Variants in PCDHGA8 observed in about 807,000 individuals in gnomAD.
PCDHGA8 encodes protocadherin gamma subfamily A, 8.
Under a neutral mutation model 59.2 loss-of-function variants are expected in PCDHGA8, and 45 were observed. That is an observed-to-expected ratio of 0.76 (90% CI 0.60 to 0.98). The LOEUF (loss-of-function observed/expected upper bound fraction) is 0.98, where lower values mean the gene tolerates loss of function less well. PCDHGA8 is among the 50% of genes least tolerant of loss of function. The probability of loss-of-function intolerance (pLI) is 0.00; values close to 1 mark genes in which losing one functional copy is unlikely to be tolerated. For synonymous variants in PCDHGA8, 531 were observed against 519.0 expected (o/e 1.02, Z -0.32); for missense variants, 1,257 against 1,196.2 (o/e 1.05, Z -0.75).
chr5:141,465,995 A>C lies in PCDHGA8; in HGVS notation c.2425-28812A>C, dbSNP rs551920109. On this transcript the variant is annotated intron_variant, in intron 1 of 3. Coordinates refer to ENST00000398604, the MANE Select transcript of PCDHGA8 (RefSeq NM_032088.2). ...AAATTAGCCGGGCATGGTGGCAGGC[A>C]CCTGTAGTCCCAGCTACTCGGGAGG... Among the ~76,000 whole-genome samples the C allele has an allele frequency of 1.3e-4, 20 of 151,982 alleles. No homozygotes were observed. In the South Asian group the frequency reaches 4.2e-3, roughly 32 times the overall value.
intron 1 of PCDHGA8, chr5:141,408,935 G>C (rs773802276): frequency 6.2e-7 from 1 of 1,613,472 alleles, no homozygotes; most frequent in Non-Finnish European, 8.5e-7. Context: ...TTTCAGCAGA[G>C]ACGAATATAG....
At position 141,432,325 on chromosome 5, in the gene PCDHGA8, C is replaced by T. The variant is rs752180978; in HGVS notation, c.2424+37088C>T. ...TGTATGCGCTGAGCTCCTTCGACTACGAGCAGTTCCGAGACTTGCAAGTGA... is the reference window on the plus strand; with the variant it reads ...TGTATGCGCTGAGCTCCTTCGACTATGAGCAGTTCCGAGACTTGCAAGTGA... On this transcript the variant is annotated intron_variant, in intron 1 of 3. Coordinates refer to ENST00000398604, the MANE Select transcript of PCDHGA8 (RefSeq NM_032088.2). The surrounding 1 kb of genome is among the most constrained non-coding windows in gnomAD (Gnocchi z 6.0). 68 of 1,614,142 alleles carry T rather than the reference C, an allele frequency of 4.2e-5. No individual in the cohort carries two copies. Among genetic ancestry groups the T allele is most frequent in the Non-Finnish European group, 5.2e-5 (61 of 1,180,050 alleles).
At position 141,491,660 on chromosome 5, in the gene PCDHGA8, C is replaced by A; in HGVS notation, c.2425-3147C>A. ...ACAGCTCTGGCGCTGGAGCCTGACGCCATCCGGTCCCGCTCTAATACGCTG... is the reference window on the plus strand; with the variant it reads ...ACAGCTCTGGCGCTGGAGCCTGACGACATCCGGTCCCGCTCTAATACGCTG... On this transcript the variant is annotated intron_variant, in intron 1 of 3. Transcript: ENST00000398604. The surrounding 1 kb of genome is among the most constrained non-coding windows in gnomAD (Gnocchi z 6.9). The A allele has an allele frequency of 6.2e-7, 1 of 1,613,810 alleles. No individual in the cohort carries two copies. The highest frequency in any genetic ancestry group is 8.5e-7 in the Non-Finnish European group (1 of 1,180,008).
At position 141,394,947 on chromosome 5, in the gene PCDHGA8, C is replaced by T. The variant is rs536743847; in HGVS notation, c.2134C>T (p.Leu712=). The T allele has an allele frequency of 1.7e-5, 27 of 1,613,892 alleles. No homozygotes were observed. In the African/African-American group the frequency reaches 2.8e-4, roughly 17 times the overall value. Reference sequence around the variant, plus strand: ...CTTCCTCGCCTTTGTCGCTGTGCTTCTGGGGCTCAGGCTGAGGCGCTGGCA... The same window carrying T: ...CTTCCTCGCCTTTGTCGCTGTGCTTTTGGGGCTCAGGCTGAGGCGCTGGCA... ...CVFLAFVAVL[L]GLRLRRWHKS... Residue 712 remains leucine, a synonymous_variant, in exon 1 of 4, where the codon CTG becomes TTG. Coordinates refer to ENST00000398604, the MANE Select transcript of PCDHGA8 (RefSeq NM_032088.2).
chr5:141,462,078 C>T (rs2154567608), intron 1 of PCDHGA8, among the ~76,000 whole-genome samples: 1 of 152,304 alleles, frequency 6.6e-6, no homozygotes, highest in East Asian at 1.9e-4. Flanking sequence ...CCGCCTTGGC[C>T]TCCCAAAATG....
At chr5:141,484,889 TC>T (rs1312115219) in intron 1 of PCDHGA8, 2 of 362,958 alleles carry the variant, frequency 5.5e-6, no homozygotes, top group Admixed American at 8.9e-5. Flanking sequence ...GTGGGCTTTT[TC>T]CCCTCCAATG....
chr5:141,487,920 C>G lies in PCDHGA8; in HGVS notation c.2425-6887C>G, dbSNP rs561819225. On this transcript the variant is annotated intron_variant, in intron 1 of 3. Coordinates refer to ENST00000398604, the MANE Select transcript of PCDHGA8 (RefSeq NM_032088.2). This position sits in a 1 kb window ranked among gnomAD's most constrained non-coding sequence, Gnocchi z 5.0. ...TGGAATGTGGGAGCACAGGAGGCTA[C>G]AGTGCACAGGGTACAGTGCACCAGG... The G allele has an allele frequency of 4.7e-6, 3 of 644,662 alleles. No individual in the cohort carries two copies. The Admixed American group carries it at 8.5e-5, about 18-fold the overall frequency. 39.9% of individuals were successfully genotyped at this position (644,662 alleles called of 1,614,324 possible).
chr5:141,485,601 G>T lies in PCDHGA8; in HGVS notation c.2425-9206G>T, dbSNP rs762783104. On this transcript the variant is annotated intron_variant, in intron 1 of 3. Transcript: ENST00000398604. The surrounding 1 kb of genome is among the most constrained non-coding windows in gnomAD (Gnocchi z 5.7). ...CGGCAGCAGCTGGACTTGGAAATTG[G>T]GGAGGCAGCTCCTCCAGGACAGCGT... The T allele has an allele frequency of 3.1e-6, 5 of 1,612,290 alleles. No individual in the cohort carries two copies. Among genetic ancestry groups the T allele is most frequent in the Non-Finnish European group, 4.2e-6 (5 of 1,178,722 alleles).
Position 141,394,455 on chromosome 5 carries a change from C to T in PCDHGA8, c.1642C>T (p.Leu548=). Residue 548 remains leucine, a synonymous_variant, in exon 1 of 4, where the codon CTG becomes TTG. Coordinates refer to ENST00000398604, the MANE Select transcript of PCDHGA8 (RefSeq NM_032088.2). ...GDPPLSSNMS[L]SLFVLDQNDN... is the part of the protein sequence containing the mutation. ...CCCGCCCCTCAGCAGCAACATGTCA[C>T]TGAGCCTGTTCGTGCTGGACCAGAA... 1 of 1,614,268 alleles carries T rather than the reference C, an allele frequency of 6.2e-7. No individual in the cohort carries two copies. Among genetic ancestry groups the T allele is most frequent in the Non-Finnish European group, 8.5e-7 (1 of 1,180,044 alleles).
intron 1 of PCDHGA8, chr5:141,478,480 G>T: frequency 2.5e-6 from 4 of 1,613,564 alleles, no homozygotes; most frequent in Non-Finnish European, 3.4e-6. Flanking sequence ...GCCAGAACAC[G>T]CTGCGGAGCT....
At chr5:141,434,453 T>C (rs1172243323) in intron 1 of PCDHGA8, among the ~76,000 whole-genome samples, 1 of 152,226 alleles carries the variant, frequency 6.6e-6, no homozygotes, top group Non-Finnish European at 1.5e-5. Context: ...TGGAAGGTAG[T>C]GGGTTTACCG....
rs766164142 is a variant in PCDHGA8, at chr5:141,477,910, G to T, written c.2425-16897G>T. ...TGTCACGGGTGGTAGGCTGGGACGC[G>T]GATGCAGGGCACAATGCCTGGCTCT... On this transcript the variant is annotated intron_variant, in intron 1 of 3. Transcript: ENST00000398604. This position sits in a 1 kb window ranked among gnomAD's most constrained non-coding sequence, Gnocchi z 4.9. The T allele has an allele frequency of 6.2e-7, 1 of 1,614,048 alleles. No individual in the cohort carries two copies. Among genetic ancestry groups the T allele is most frequent in the African/African-American group, 1.3e-5 (1 of 74,932 alleles).
chr5:141,399,649 G>A (rs1325160100), intron 1 of PCDHGA8: 2 of 1,613,794 alleles, frequency 1.2e-6, no homozygotes, highest in East Asian at 2.2e-5. Flanking sequence ...CGCGCAAAGT[G>A]GGGTGGTGTT....
At position 141,476,379 on chromosome 5, in the gene PCDHGA8, T is replaced by TTCA. The variant is rs768549633; in HGVS notation, c.2425-18428_2425-18427insTCA. 9 of 1,614,126 alleles carry TTCA rather than the reference T, an allele frequency of 5.6e-6. No homozygotes were observed. The East Asian group carries it at 2.0e-4, about 36-fold the overall frequency. ...AACCGGGAGACCGGAGAGATGTTTG[T>TTCA]GAACGACCGTCTGGATCGAGAGGAG... On this transcript the variant is annotated intron_variant, in intron 1 of 3. Transcript: ENST00000398604. This position sits in a 1 kb window ranked among gnomAD's most constrained non-coding sequence, Gnocchi z 7.6.
rs2092972755 is a variant in PCDHGA8 at position 141,394,313 on chromosome 5, C to T, written c.1500C>T (p.Pro500=). 1.2e-6 allele frequency: 2 copies of T among 1,614,022 alleles called. No homozygotes were observed. Among genetic ancestry groups the T allele is most frequent in the East Asian group, 2.2e-5 (1 of 44,886 alleles). Reference sequence around the variant, plus strand: ...CCGAGGACACGCTGCAGGGGGCGCCCCTGTCCTCGTATATCTCCATCAACT... The same window carrying T: ...CCGAGGACACGCTGCAGGGGGCGCCTCTGTCCTCGTATATCTCCATCAACT... The part of the protein sequence containing the change: ...SVTEDTLQGA[P]LSSYISINSD... The change falls in exon 1 of 4, where the codon CCC becomes CCT. Residue 500 remains proline (P), a synonymous_variant. Transcript: ENST00000398604.
At chr5:141,499,184 A>G (rs2099789986) in intron 2 of PCDHGA8, among the ~76,000 whole-genome samples, 1 of 151,726 alleles carries the variant, frequency 6.6e-6, no homozygotes, top group African/African-American at 2.4e-5. Context: ...CCAGCAAACC[A>G]TTTCCCCCTT....
intron 3 of PCDHGA8, among the ~76,000 whole-genome samples, chr5:141,509,450 C>A (rs2099876883): frequency 6.6e-6 from 1 of 152,128 alleles, no homozygotes; most frequent in Non-Finnish European, 1.5e-5. Context: ...CCTCTCCCAC[C>A]CCCGACCCAG....
At chr5:141,399,279 C>T (rs370090713) in intron 1 of PCDHGA8, 76 of 1,613,576 alleles carry the variant, frequency 4.7e-5, no homozygotes, top group Non-Finnish European at 5.0e-5. Flanking sequence ...AATTACAAGG[C>T]GAAGTCCCTT....
chr5:141,490,938 C>A lies in PCDHGA8; in HGVS notation c.2425-3869C>A. 1.2e-6 allele frequency: 2 copies of A among 1,613,672 alleles called. No individual in the cohort carries two copies. Among genetic ancestry groups the A allele is most frequent in the Non-Finnish European group, 1.7e-6 (2 of 1,179,760 alleles). On this transcript the variant is annotated intron_variant, in intron 1 of 3. Coordinates refer to ENST00000398604, the MANE Select transcript of PCDHGA8 (RefSeq NM_032088.2). The surrounding 1 kb of genome is among the most constrained non-coding windows in gnomAD (Gnocchi z 5.4). ...ATGATAATGCCCCAGCTGTGCTGCA[C>A]CCACGGCCAGACTGGGAACACTCAG... is the stretch of plus-strand genomic sequence containing the variant.
Sources: gnomAD v4.1 joint callset for allele counts (sites outside exome capture counted in the v4.1 genomes callset) on GRCh38, gnomAD v4.1.1 for gene constraint, Gnocchi (gnomAD v3.1) non-coding constraint, MANE v1.5 for transcripts, NCBI Gene and HGNC (gene_info 2026-07-23, HGNC 2026-07-21) for gene names.